The following RREB1 variants were observed in gnomAD, a reference collection of about 807,000 sequenced individuals.
The protein encoded by RREB1 is ras-responsive element-binding protein 1.
Under a neutral mutation model 117.8 loss-of-function variants are expected in RREB1, and 27 were observed. The ratio of observed to expected loss-of-function variants is 0.23; its 90% CI spans 0.17 to 0.32. The LOEUF is 0.32. Among genes scored for constraint, RREB1 ranks in the 10% least tolerant of loss-of-function variants. The pLI, the probability that RREB1 is intolerant of heterozygous loss-of-function variation, is 1.00. For synonymous variants in RREB1, 1,298 were observed against 1,026.7 expected (o/e 1.26, Z -5.05); for missense variants, 2,577 against 2,378.2 (o/e 1.08, Z -1.74).
intron 2 of RREB1, among the ~76,000 whole-genome samples, chr6:7,178,721 G>A (rs1012510575): frequency 4.2e-4 from 64 of 151,892 alleles, no homozygotes; most frequent in Non-Finnish European, 6.5e-4. Context: ...TATTAATTAC[G>A]CTTTCAGATT....
intron 6 of RREB1, among the ~76,000 whole-genome samples, chr6:7,196,218 G>A (rs868109363): frequency 8.2e-6 from 1 of 121,470 alleles, no homozygotes; most frequent in Non-Finnish European, 1.7e-5. Context: ...TTTTTTTTTC[G>A]TTTTTTTTTT....
intron 2 of RREB1, among the ~76,000 whole-genome samples, chr6:7,177,890 T>C (rs1045614069): frequency 5.3e-5 from 8 of 152,104 alleles, no homozygotes; most frequent in Non-Finnish European, 7.4e-5. Context: ...GCCCAGCTAA[T>C]TTTTGTAGTT....
At chr6:7,150,520 C>T (rs1333371671) in intron 1 of RREB1, among the ~76,000 whole-genome samples, 1 of 152,034 alleles carries the variant, frequency 6.6e-6, no homozygotes, top group Non-Finnish European at 1.5e-5. Context: ...CTCCTGATTG[C>T]TATGCTGAAG....
rs142493289 is a variant in RREB1, at chr6:7,196,552, G to A, written c.425+7230G>A. 4.7e-4 allele frequency among the ~76,000 whole-genome samples: 72 copies of A among 152,156 alleles called. No homozygotes were observed. In the East Asian group the frequency reaches 0.014, roughly 29 times the overall value. On this transcript the variant is annotated intron_variant, in intron 6 of 12. Transcript: ENST00000379938. ...TGTAGTCATTGACAGTTGCTTTGTA[G>A]CACTGATAAAGCCTATAACTTACTA... is the stretch of plus-strand genomic sequence containing the variant.
chr6:7,142,430 C>T (rs539499138), intron 1 of RREB1, among the ~76,000 whole-genome samples: 5 of 152,216 alleles, frequency 3.3e-5, no homozygotes, highest in African/African-American at 4.8e-5. Context: ...TCAAGTCTCC[C>T]TCCAGGACGC....
chr6:7,192,311 G>C (rs1765453888), intron 6 of RREB1, among the ~76,000 whole-genome samples: 1 of 151,776 alleles, frequency 6.6e-6, no homozygotes, highest in Non-Finnish European at 1.5e-5. Context: ...TCCTGCCTCA[G>C]CCTCCCAGGT....
At chr6:7,151,846 A>G (rs1763138673) in intron 1 of RREB1, among the ~76,000 whole-genome samples, 1 of 152,262 alleles carries the variant, frequency 6.6e-6, no homozygotes, top group African/African-American at 2.4e-5. Context: ...TTTTGGCTGT[A>G]TAAAGCATAT....
At chr6:7,109,069 G>A (rs1195118067) in intron 1 of RREB1, among the ~76,000 whole-genome samples, 2 of 151,778 alleles carry the variant, frequency 1.3e-5, no homozygotes, top group Non-Finnish European at 2.9e-5. Flanking sequence ...CAGGAAGGAG[G>A]CCGGGAGCAT....
At chr6:7,191,583 A>G (rs1159911921) in intron 6 of RREB1, among the ~76,000 whole-genome samples, 1 of 152,236 alleles carries the variant, frequency 6.6e-6, no homozygotes, top group African/African-American at 2.4e-5. Flanking sequence ...TGCCATCATA[A>G]CAATACTAAC....
intron 1 of RREB1, among the ~76,000 whole-genome samples, chr6:7,121,569 T>G (rs574909487): frequency 6.6e-6 from 1 of 152,134 alleles, no homozygotes. Flanking sequence ...ACACTTGTTG[T>G]GTATCTAATG....
chr6:7,181,633 C>T, intron 3 of RREB1: 1 of 588,054 alleles, frequency 1.7e-6, no homozygotes, highest in Non-Finnish European at 3.0e-6. Context: ...GAGTTTGAGT[C>T]CTGTTGGTAG....
At chr6:7,140,247 C>A (rs1168181155) in intron 1 of RREB1, among the ~76,000 whole-genome samples, 1 of 151,350 alleles carries the variant, frequency 6.6e-6, no homozygotes, top group Non-Finnish European at 1.5e-5. Flanking sequence ...GTTTTTTTTT[C>A]TTTCAATTAA....
chr6:7,249,800 T>TG lies in RREB1; in HGVS notation c.*832_*833insG. 1 of 140,016 alleles carries TG rather than the reference T, an allele frequency of 7.1e-6. No homozygotes were observed. Among genetic ancestry groups the TG allele is most frequent in the African/African-American group, 3.0e-5 (1 of 33,360 alleles). 8.7% of individuals were successfully genotyped at this position (140,016 alleles called of 1,614,324 possible). On this transcript the variant is annotated 3_prime_UTR_variant, in exon 13 of 13. Transcript: ENST00000379938. ...TCCCTTTCAGTATATGTATTATTAA[T>TG]ATTATTATTATTATTATTATTATTA...
chr6:7,198,800 A>T (rs1253231367), intron 6 of RREB1, among the ~76,000 whole-genome samples: 1 of 152,326 alleles, frequency 6.6e-6, no homozygotes, highest in East Asian at 1.9e-4. Flanking sequence ...ATTAAAAAAA[A>T]ATATGTAAGT....
In RREB1 at chr6:7,200,098, G is replaced by A. The variant is rs189021441; in HGVS notation, c.426-10706G>A. ...AGCCTGTTTTTTATTTGCTAGACTT[G>A]ACCTTCCTCAAAACATTTTTCCCTT... On this transcript the variant is annotated intron_variant, in intron 6 of 12. Coordinates refer to ENST00000379938, the MANE Select transcript of RREB1 (RefSeq NM_001003699.4). Among the ~76,000 whole-genome samples the A allele has an allele frequency of 3.3e-5, 5 of 151,920 alleles. No individual in the cohort carries two copies. The East Asian group carries it at 7.7e-4, about 23-fold the overall frequency.
chr6:7,221,441 G>A (rs1767253430), intron 8 of RREB1, among the ~76,000 whole-genome samples: 1 of 152,146 alleles, frequency 6.6e-6, no homozygotes, highest in Admixed American at 6.5e-5. Flanking sequence ...CAAAGTGCTG[G>A]GATTACAGGC....
chr6:7,159,288 T>A (rs1763534224), intron 1 of RREB1, among the ~76,000 whole-genome samples: 1 of 152,184 alleles, frequency 6.6e-6, no homozygotes, highest in South Asian at 2.1e-4. Flanking sequence ...AGGACTTCTT[T>A]ACAGAAAACC....
At chr6:7,203,145 G>C (rs1249348107) in intron 6 of RREB1, among the ~76,000 whole-genome samples, 2 of 152,116 alleles carry the variant, frequency 1.3e-5, no homozygotes, top group African/African-American at 2.4e-5. Flanking sequence ...CATGTGGACT[G>C]CCAACACCTC....
At chr6:7,126,863 C>T (rs1761958462) in intron 1 of RREB1, among the ~76,000 whole-genome samples, 1 of 152,106 alleles carries the variant, frequency 6.6e-6, no homozygotes, top group Admixed American at 6.6e-5. Context: ...AAACATGGTC[C>T]CTGCCCTAAA....
Sources: allele counts gnomAD v4.1 joint callset (sites outside exome capture counted in the v4.1 genomes callset), GRCh38; gene constraint gnomAD v4.1.1; transcripts MANE v1.5; gene names NCBI Gene and HGNC (gene_info 2026-07-23, HGNC 2026-07-21).